Variants in NSD1 observed in about 807,000 individuals in gnomAD.
NSD1 encodes the protein histone-lysine N-methyltransferase, H3 lysine-36 specific.
Under a neutral mutation model 242.7 loss-of-function variants are expected in NSD1, and 26 were observed. That is an observed-to-expected ratio of 0.11 (90% CI 0.08 to 0.15). The LOEUF (loss-of-function observed/expected upper bound fraction) is 0.15. Ranked by LOEUF, NSD1 falls within the 10% of genes least tolerant of loss-of-function variation. NSD1 has a pLI of 1.00. For missense variants in NSD1, 2,495 were observed against 3,272.8 expected, an observed-to-expected ratio of 0.76 and a Z score of 5.80; for synonymous variants, 1,106 against 1,178.1, an observed-to-expected ratio of 0.94 and a Z score of 1.25.
At chr5:177,251,083 G>A (rs1240404605) in intron 11 of NSD1, among the ~76,000 whole-genome samples, 2 of 152,010 alleles carry the variant, frequency 1.3e-5, no homozygotes, top group South Asian at 2.1e-4. Context: ...CCAGCTACTC[G>A]GGAGGCTGAG....
In NSD1 at chr5:177,300,091, G is replaced by C. The variant is rs1170201377; in HGVS notation, c.*4632G>C. ...CCCCCGCCCCCATAGATTGTCAGCT[G>C]TAAGTGAAACTCCTAGTGAAAAAGA... On this transcript the variant is annotated 3_prime_UTR_variant, in exon 23 of 23. Coordinates refer to ENST00000439151, the MANE Select transcript of NSD1 (RefSeq NM_022455.5). 5.0e-6 allele frequency: 1 copy of C among 199,052 alleles called. No individual in the cohort carries two copies. Among genetic ancestry groups the C allele is most frequent in the Admixed American group, 8.2e-5 (1 of 12,164 alleles). The allele number at this position is 199,052 out of a possible 1,614,324, so 12.3% of individuals were successfully genotyped here. A position where few individuals can be genotyped will look rare whatever the true frequency, so the allele number is the denominator to read the frequency against.
At position 177,236,041 on chromosome 5, in the gene NSD1, C is replaced by T. The variant is rs1196665088; in HGVS notation, c.3921+96C>T. ...TTTATCTTCATGAAACAATAATTTC[C>T]TTAACTGAGATCTTGTTTTTTATTC... On this transcript the variant is annotated intron_variant, in intron 6 of 22. Coordinates refer to ENST00000439151, the MANE Select transcript of NSD1 (RefSeq NM_022455.5). 39 of 1,365,572 alleles carry T rather than the reference C, an allele frequency of 2.9e-5. No homozygotes were observed. In the South Asian group the frequency reaches 3.0e-4, roughly 10 times the overall value. 84.6% of individuals were successfully genotyped at this position (1,365,572 alleles called of 1,614,324 possible).
At chr5:177,274,741 T>C (rs1268611053) in intron 17 of NSD1, among the ~76,000 whole-genome samples, 1 of 151,788 alleles carries the variant, frequency 6.6e-6, no homozygotes, top group Admixed American at 6.6e-5. Context: ...TTTTTTTGTT[T>C]GTTTGTTTTT....
intron 2 of NSD1, among the ~76,000 whole-genome samples, chr5:177,184,152 G>A (rs968532814): frequency 2.6e-5 from 4 of 152,184 alleles, no homozygotes; most frequent in African/African-American, 7.2e-5. Flanking sequence ...ATAGCTAGTC[G>A]TGGGATTGCT....
chr5:177,262,691 C>A (rs1757084251), intron 14 of NSD1, among the ~76,000 whole-genome samples: 1 of 152,204 alleles, frequency 6.6e-6, no homozygotes, highest in South Asian at 2.1e-4. Context: ...CCAGCCTGGC[C>A]AACATGGCGA....
intron 2 of NSD1, among the ~76,000 whole-genome samples, chr5:177,141,319 CTTTTTTT>C (rs567992731): frequency 7.2e-5 from 7 of 97,032 alleles, no homozygotes; most frequent in African/African-American, 1.8e-4. Flanking sequence ...CGCGCGCAGC[CTTTTTTT>C]TTTTTTTTTT....
chr5:177,283,315 C>T lies in NSD1; in HGVS notation c.6010-472C>T, dbSNP rs1759047518. Among the ~76,000 whole-genome samples, 3 of 151,784 alleles carry T rather than the reference C, an allele frequency of 2.0e-5. No homozygotes were observed. In the South Asian group the frequency reaches 6.3e-4, roughly 32 times the overall value. On this transcript the variant is annotated intron_variant, in intron 19 of 22. Coordinates refer to ENST00000439151, the MANE Select transcript of NSD1 (RefSeq NM_022455.5). Reference sequence around the variant, plus strand: ...CTTTGTAAACATTTCTCAAATTGTGCACTAGGATTTGTGAGATCTTCACTT... The same window carrying T: ...CTTTGTAAACATTTCTCAAATTGTGTACTAGGATTTGTGAGATCTTCACTT...
At chr5:177,158,606 G>A (rs1035922149) in intron 2 of NSD1, among the ~76,000 whole-genome samples, 3 of 151,966 alleles carry the variant, frequency 2.0e-5, no homozygotes, top group African/African-American at 7.3e-5. Context: ...CCAAAGTGCC[G>A]AGATTACAGG....
chr5:177,228,212 G>C (rs182680229), intron 5 of NSD1, among the ~76,000 whole-genome samples: 4 of 151,316 alleles, frequency 2.6e-5, no homozygotes, highest in Non-Finnish European at 5.9e-5. Flanking sequence ...GCACATTCAC[G>C]TAAGTTTTAT....
chr5:177,180,295 G>A (rs145701340), intron 2 of NSD1, among the ~76,000 whole-genome samples: 51 of 151,972 alleles, frequency 3.4e-4, no homozygotes, highest in African/African-American at 1.2e-3. Context: ...CAGGGTTTCA[G>A]CATGTTCATC....
intron 2 of NSD1, among the ~76,000 whole-genome samples, chr5:177,180,348 C>T (rs1042514299): frequency 3.9e-5 from 6 of 152,144 alleles, no homozygotes; most frequent in African/African-American, 7.2e-5. Context: ...TCAAGTGAGC[C>T]GCCCACCTTG....
At chr5:177,137,139 A>G in intron 2 of NSD1, 1 of 398,498 alleles carries the variant, frequency 2.5e-6, no homozygotes, top group Non-Finnish European at 4.4e-6. Context: ...TTCTAGCTAA[A>G]TGATCAGTTC....
intron 14 of NSD1, chr5:177,265,188 A>G: frequency 2.6e-6 from 2 of 779,546 alleles, no homozygotes; most frequent in Non-Finnish European, 4.7e-6. Flanking sequence ...TGTGAGAACC[A>G]ATGGGAAGGA....
chr5:177,284,580 C>G (rs1759154097), intron 20 of NSD1, among the ~76,000 whole-genome samples: 1 of 152,214 alleles, frequency 6.6e-6, no homozygotes, highest in Non-Finnish European at 1.5e-5. Context: ...AGCCACCTCG[C>G]TTAGCTTGGC....
intron 2 of NSD1, among the ~76,000 whole-genome samples, chr5:177,172,994 A>G (rs1759842370): frequency 6.7e-6 from 1 of 148,750 alleles, no homozygotes; most frequent in Admixed American, 6.7e-5. Context: ...AATATTTTGT[A>G]TCATGTTAGA....
At position 177,297,162 on chromosome 5, in the gene NSD1, A is replaced by T. The variant is rs1160803805; in HGVS notation, c.*1703A>T. The stretch of plus-strand genomic sequence containing the variant: ...GAGACACTTGAACTCAGGCAGAGGG[A>T]CGAGGCTGGGCAGGGCTGTCCTGAG... On this transcript the variant is annotated 3_prime_UTR_variant, in exon 23 of 23. Transcript: ENST00000439151. The T allele has an allele frequency of 4.3e-6, 1 of 232,700 alleles. No homozygotes were observed. The highest frequency in any genetic ancestry group is 6.0e-5 in the East Asian group (1 of 16,548). The allele number at this position is 232,700 out of a possible 1,614,324, so 14.4% of individuals were successfully genotyped here.
intron 2 of NSD1, among the ~76,000 whole-genome samples, chr5:177,142,641 G>A (rs1562109039): frequency 6.6e-6 from 1 of 152,180 alleles, no homozygotes; most frequent in Non-Finnish European, 1.5e-5. Flanking sequence ...ATAGTTGAAT[G>A]TTTTTACTAT....
rs1581554221 is a variant in NSD1, at chr5:177,290,529, TC to T, written c.6259-1422del. ...TTCAAGTGATTCTCCTGCCTCAGCCTCCCAGGTAGCTGGGATTACAGGCCCC... is the reference window on the plus strand; with the variant it reads ...TTCAAGTGATTCTCCTGCCTCAGCCTCCAGGTAGCTGGGATTACAGGCCCC... On this transcript the variant is annotated intron_variant, in intron 21 of 22. Coordinates refer to ENST00000439151, the MANE Select transcript of NSD1 (RefSeq NM_022455.5). Among the ~76,000 whole-genome samples, 3 of 151,952 alleles carry T rather than the reference TC, an allele frequency of 2.0e-5. No homozygotes were observed. The East Asian group carries it at 5.8e-4, about 30-fold the overall frequency.
intron 2 of NSD1, among the ~76,000 whole-genome samples, chr5:177,157,316 A>G (rs1758219288): frequency 6.6e-6 from 1 of 152,102 alleles, no homozygotes; most frequent in South Asian, 2.1e-4. Context: ...TGGTGAGCGG[A>G]GATCGTGCTG....
Sources: gnomAD v4.1 joint callset for allele counts (sites outside exome capture counted in the v4.1 genomes callset) on GRCh38, gnomAD v4.1.1 for gene constraint, MANE v1.5 for transcripts, NCBI Gene and HGNC (gene_info 2026-07-23, HGNC 2026-07-21) for gene names.